Variants in FMN1 observed in about 807,000 individuals in gnomAD.
FMN1 encodes formin 1.
In FMN1, 110 loss-of-function variants were observed where a neutral mutation model predicts 132.4. The ratio of observed to expected loss-of-function variants is 0.83; its 90% CI spans 0.71 to 0.97. The LOEUF (loss-of-function observed/expected upper bound fraction) is 0.97, where lower values mean the gene tolerates loss of function less well. Ranked by LOEUF, FMN1 falls within the 50% of genes least tolerant of loss-of-function variation. The pLI is 0.00. For synonymous variants in FMN1, 722 were observed against 651.7 expected (o/e 1.11, Z -1.64); for missense variants, 1,792 against 1,705.3 (o/e 1.05, Z -0.90).
chr15:32,907,084 A>C (rs897492966), intron 12 of FMN1, among the ~76,000 whole-genome samples: 1 of 152,214 alleles, frequency 6.6e-6, no homozygotes, highest in Non-Finnish European at 1.5e-5. Context: ...TTTTTAGCAC[A>C]GGGACCGGTT....
At chr15:33,163,477 A>G (rs1265186467) in intron 3 of FMN1, among the ~76,000 whole-genome samples, 5 of 150,312 alleles carry the variant, frequency 3.3e-5, no homozygotes, top group Admixed American at 6.6e-5. Flanking sequence ...TATTTTTAGT[A>G]GAGAGGGGGT....
chr15:32,828,566 G>A (rs1220239255), intron 17 of FMN1, among the ~76,000 whole-genome samples: 1 of 151,766 alleles, frequency 6.6e-6, no homozygotes, highest in Non-Finnish European at 1.5e-5. Flanking sequence ...GGCTGTAAGA[G>A]CTAACAATTT....
chr15:33,128,697 C>G (rs112874649), intron 4 of FMN1, among the ~76,000 whole-genome samples: 2 of 152,196 alleles, frequency 1.3e-5, no homozygotes, highest in Non-Finnish European at 2.9e-5. Flanking sequence ...CACGAATAAA[C>G]CCGCGGACCC....
At chr15:32,791,835 T>A (rs775004471) in intron 19 of FMN1, among the ~76,000 whole-genome samples, 1 of 152,112 alleles carries the variant, frequency 6.6e-6, no homozygotes. Context: ...AGGCCTTAGT[T>A]GAGATGGAAT....
chr15:32,912,636 G>C (rs556345190), intron 10 of FMN1, among the ~76,000 whole-genome samples: 5 of 152,200 alleles, frequency 3.3e-5, no homozygotes, highest in Admixed American at 3.3e-4. Context: ...TTTAAGAGAA[G>C]ACCTGCAGAG....
intron 4 of FMN1, among the ~76,000 whole-genome samples, chr15:33,108,064 G>A (rs1232251199): frequency 1.3e-5 from 2 of 152,064 alleles, no homozygotes; most frequent in Admixed American, 1.3e-4. Flanking sequence ...TTCAGCTCCA[G>A]TAAGAAAGAG....
Position 32,767,854 on chromosome 15 carries a change from T to C in FMN1, c.*6456A>G, listed in dbSNP as rs535248848. 3.3e-5 allele frequency: 5 copies of C among 152,280 alleles called. No homozygotes were observed. Among genetic ancestry groups the C allele is most frequent in the East Asian group, 3.9e-4 (2 of 5,178 alleles). The allele number at this position is 152,280 out of a possible 1,614,324, so 9.4% of individuals were successfully genotyped here. ...GATACTAGACTTTCCCTCTCACTCATGGATTTGTTTTCAATGGAAATGGAA... is the reference window on the plus strand; with the variant it reads ...GATACTAGACTTTCCCTCTCACTCACGGATTTGTTTTCAATGGAAATGGAA... On this transcript the variant is annotated 3_prime_UTR_variant, in exon 21 of 21. Coordinates refer to ENST00000616417, the MANE Select transcript of FMN1 (RefSeq NM_001277313.2).
At chr15:33,147,165 CAAAAA>C (rs869166176) in intron 4 of FMN1, among the ~76,000 whole-genome samples, 4 of 69,242 alleles carry the variant, frequency 5.8e-5, no homozygotes, top group African/African-American at 8.9e-5. Context: ...GACTCCGTCT[CAAAAA>C]AAAAAAAAAA....
intron 2 of FMN1, among the ~76,000 whole-genome samples, chr15:33,192,124 T>G (rs1966100555): frequency 6.6e-6 from 1 of 152,182 alleles, no homozygotes; most frequent in Non-Finnish European, 1.5e-5. Flanking sequence ...AGAAAACCAT[T>G]AAAGGCAAGA....
chr15:32,879,078 G>A (rs1293327933), intron 16 of FMN1, among the ~76,000 whole-genome samples: 2 of 152,130 alleles, frequency 1.3e-5, no homozygotes, highest in African/African-American at 4.8e-5. Flanking sequence ...TTTGGGAAAT[G>A]TGTGACCTTT....
chr15:33,135,020 A>G (rs2140236379), intron 4 of FMN1, among the ~76,000 whole-genome samples: 1 of 152,336 alleles, frequency 6.6e-6, no homozygotes, highest in East Asian at 1.9e-4. Context: ...ATAAATAAGT[A>G]GGAAAACATT....
At chr15:33,101,000 T>G (rs757491357) in intron 4 of FMN1, among the ~76,000 whole-genome samples, 17 of 152,240 alleles carry the variant, frequency 1.1e-4, no homozygotes, top group Non-Finnish European at 2.4e-4. Context: ...GATCAAAATG[T>G]TAGCAACAAG....
chr15:32,847,288 ATGTGTGTG>A (rs35960980), intron 17 of FMN1, among the ~76,000 whole-genome samples: 2 of 112,168 alleles, frequency 1.8e-5, no homozygotes, highest in Non-Finnish European at 3.8e-5. Flanking sequence ...GTGTGTGTGT[ATGTGTGTG>A]TGTGTGTGTA....
intron 9 of FMN1, among the ~76,000 whole-genome samples, chr15:32,947,561 T>C (rs2061535815): frequency 6.6e-6 from 1 of 152,092 alleles, no homozygotes; most frequent in Admixed American, 6.6e-5. Context: ...AAGTAATTCT[T>C]AGATTTTGAT....
intron 4 of FMN1, chr15:33,150,271 A>T (rs1964390292): frequency 1.0e-6 from 1 of 985,342 alleles, no homozygotes; most frequent in African/African-American, 1.7e-5. Flanking sequence ...GGCTAGCACA[A>T]CTAGAGTTCC....
chr15:33,170,081 A>G (rs1965260975), intron 3 of FMN1, among the ~76,000 whole-genome samples: 1 of 152,130 alleles, frequency 6.6e-6, no homozygotes, highest in South Asian at 2.1e-4. Flanking sequence ...GTGGACCAAT[A>G]GAACTGAATG....
intron 6 of FMN1, among the ~76,000 whole-genome samples, chr15:33,048,631 C>CAAAAAAAAAAAAAAAAAA (rs768997793): frequency 3.0e-4 from 13 of 43,426 alleles, no homozygotes; most frequent in Non-Finnish European, 6.0e-4. Flanking sequence ...GGCAATTTAC[C>CAAAAAAAAAAAAAAAAAA]AAAAAAAAAA....
intron 6 of FMN1, among the ~76,000 whole-genome samples, chr15:33,026,055 G>C (rs1012598780): frequency 1.3e-5 from 2 of 151,812 alleles, no homozygotes; most frequent in East Asian, 3.9e-4. Flanking sequence ...GACAGCATCT[G>C]AATGGGGTTT....
chr15:32,985,077 C>T (rs1054693855), intron 7 of FMN1, among the ~76,000 whole-genome samples: 5 of 151,312 alleles, frequency 3.3e-5, no homozygotes, highest in Non-Finnish European at 5.9e-5. Context: ...ACAAATGTTG[C>T]GCGAAAGGAT....
Sources: gnomAD v4.1 joint callset for allele counts (sites outside exome capture counted in the v4.1 genomes callset) on GRCh38, gnomAD v4.1.1 for gene constraint, MANE v1.5 for transcripts, NCBI Gene and HGNC (gene_info 2026-07-23, HGNC 2026-07-21) for gene names.